SPATA17: variants seen among roughly 807,000 people sequenced by gnomAD.
SPATA17 encodes spermatogenesis associated 17.
A neutral mutation model predicts 62.2 loss-of-function variants in SPATA17; 53 were observed. The ratio of observed to expected loss-of-function variants is 0.85; its 90% CI spans 0.68 to 1.07. SPATA17 has a LOEUF of 1.07. SPATA17 is among the 50% of genes least tolerant of loss of function. SPATA17 has a pLI of 0.00. For missense variants in SPATA17, 466 were observed against 425.5 expected (o/e 1.10, Z -0.84); for synonymous variants, 146 against 146.8 (o/e 0.99, Z 0.04).
At chr1:217,633,248 A>T (rs1281272373) in intron 1 of SPATA17, among the ~76,000 whole-genome samples, 2 of 152,126 alleles carry the variant, frequency 1.3e-5, no homozygotes, top group Non-Finnish European at 2.9e-5. Flanking sequence ...ACAACAATAG[A>T]GTAACATGGA....
At chr1:217,762,294 A>G (rs1673189349) in intron 6 of SPATA17, among the ~76,000 whole-genome samples, 1 of 152,182 alleles carries the variant, frequency 6.6e-6, no homozygotes, top group Non-Finnish European at 1.5e-5. Flanking sequence ...TTACAACAAT[A>G]CACTGGGCCT....
chr1:217,783,518 T>G (rs1295375042), intron 8 of SPATA17, among the ~76,000 whole-genome samples: 1 of 152,006 alleles, frequency 6.6e-6, no homozygotes, highest in Non-Finnish European at 1.5e-5. Flanking sequence ...CCAATTAGTT[T>G]TGAGGAGGTA....
intron 5 of SPATA17, among the ~76,000 whole-genome samples, chr1:217,730,784 CT>C (rs1169730504): frequency 6.6e-6 from 1 of 151,940 alleles, no homozygotes; most frequent in Non-Finnish European, 1.5e-5. Flanking sequence ...AAGAAAGTTT[CT>C]TTTTTTAAAA....
chr1:217,757,251 A>G (rs1279849862), intron 6 of SPATA17, among the ~76,000 whole-genome samples: 1 of 152,182 alleles, frequency 6.6e-6, no homozygotes, highest in Non-Finnish European at 1.5e-5. Context: ...AAAAATAAAA[A>G]AGACAGATAG....
chr1:217,711,342 C>T (rs1671857466), intron 5 of SPATA17, among the ~76,000 whole-genome samples: 1 of 152,114 alleles, frequency 6.6e-6, no homozygotes. Context: ...TTCTTTGTGT[C>T]CCTGTGTTCA....
intron 9 of SPATA17, among the ~76,000 whole-genome samples, chr1:217,851,261 C>T (rs528290286): frequency 5.3e-5 from 8 of 151,880 alleles, no homozygotes; most frequent in African/African-American, 1.9e-4. Flanking sequence ...TTGATATATC[C>T]TATAATTACA....
At chr1:217,751,185 T>C (rs1672897068) in intron 6 of SPATA17, among the ~76,000 whole-genome samples, 1 of 151,902 alleles carries the variant, frequency 6.6e-6, no homozygotes, top group South Asian at 2.1e-4. Context: ...TATAGAAGCA[T>C]AAGGAAAGCC....
chr1:217,871,509 A>T lies in SPATA17; in HGVS notation c.*4490A>T, dbSNP rs1676128512. On this transcript the variant is annotated 3_prime_UTR_variant, in exon 11 of 11. Coordinates refer to ENST00000366933, the MANE Select transcript of SPATA17 (RefSeq NM_138796.4). ...TTATATGAACCTATTTGAGGTAATGATGATGCCTGGGAAGGAGCAGTATTG... is the reference window on the plus strand; with the variant it reads ...TTATATGAACCTATTTGAGGTAATGTTGATGCCTGGGAAGGAGCAGTATTG... The T allele has an allele frequency of 6.6e-6, 1 of 152,144 alleles. No homozygotes were observed. The highest frequency in any genetic ancestry group is 1.5e-5 in the Non-Finnish European group (1 of 68,018). The allele number at this position is 152,144 out of a possible 1,614,324, so 9.4% of individuals were successfully genotyped here.
intron 4 of SPATA17, among the ~76,000 whole-genome samples, chr1:217,681,488 C>T (rs1270303442): frequency 2.6e-5 from 4 of 151,964 alleles, no homozygotes; most frequent in Non-Finnish European, 4.4e-5. Context: ...ATTCTTCTGC[C>T]TCAGCCTCCC....
At chr1:217,789,868 C>T (rs987240065) in intron 8 of SPATA17, among the ~76,000 whole-genome samples, 1 of 152,002 alleles carries the variant, frequency 6.6e-6, no homozygotes, top group Admixed American at 6.6e-5. Context: ...AAGCCCATCT[C>T]TACTAAAAAT....
chr1:217,663,009 C>A (rs1670603684), intron 3 of SPATA17, among the ~76,000 whole-genome samples: 1 of 152,098 alleles, frequency 6.6e-6, no homozygotes, highest in African/African-American at 2.4e-5. Context: ...TAATTTAAAA[C>A]TTTAACAACA....
chr1:217,755,134 AAAG>A (rs1161855256), intron 6 of SPATA17, among the ~76,000 whole-genome samples: 3 of 152,104 alleles, frequency 2.0e-5, no homozygotes, highest in Non-Finnish European at 2.9e-5. Context: ...CAAAACAAAA[AAAG>A]AGGAATTCCA....
intron 5 of SPATA17, among the ~76,000 whole-genome samples, chr1:217,683,688 C>T (rs1283955215): frequency 6.6e-6 from 1 of 152,144 alleles, no homozygotes; most frequent in African/African-American, 2.4e-5. Context: ...GATCTGCCCG[C>T]CTCGGCCTCC....
At chr1:217,654,618 A>G (rs555228684) in intron 3 of SPATA17, among the ~76,000 whole-genome samples, 1 of 151,424 alleles carries the variant, frequency 6.6e-6, no homozygotes, top group African/African-American at 2.4e-5. Flanking sequence ...CTCTGTATAC[A>G]TTTTTCTCTA....
At chr1:217,824,237 T>C (rs1342935023) in intron 9 of SPATA17, among the ~76,000 whole-genome samples, 1 of 151,976 alleles carries the variant, frequency 6.6e-6, no homozygotes, top group Non-Finnish European at 1.5e-5. Flanking sequence ...TTATTATTCA[T>C]TTCACTTAGT....
intron 5 of SPATA17, among the ~76,000 whole-genome samples, chr1:217,705,075 G>T (rs553743876): frequency 6.6e-6 from 1 of 152,174 alleles, no homozygotes; most frequent in South Asian, 2.1e-4. Flanking sequence ...GTTATTTTTT[G>T]ACTTTTTTAA....
At chr1:217,787,760 G>T (rs1178045500) in intron 8 of SPATA17, among the ~76,000 whole-genome samples, 1 of 151,584 alleles carries the variant, frequency 6.6e-6, no homozygotes. Context: ...GTTATGTTTT[G>T]CAGAGGTATC....
intron 9 of SPATA17, among the ~76,000 whole-genome samples, chr1:217,842,536 A>G (rs1384665662): frequency 6.6e-6 from 1 of 151,888 alleles, no homozygotes; most frequent in African/African-American, 2.4e-5. Flanking sequence ...CATTTGACCT[A>G]TTCAACTAAA....
At chr1:217,674,267 A>G (rs775896064) in intron 4 of SPATA17, among the ~76,000 whole-genome samples, 3 of 152,208 alleles carry the variant, frequency 2.0e-5, no homozygotes, top group Non-Finnish European at 4.4e-5. Flanking sequence ...AGCTCTGGCC[A>G]GACTTCAGTG....
Sources: allele counts gnomAD v4.1 joint callset (sites outside exome capture counted in the v4.1 genomes callset), GRCh38; gene constraint gnomAD v4.1.1; transcripts MANE v1.5; gene names NCBI Gene and HGNC (gene_info 2026-07-23, HGNC 2026-07-21).